VCP: variants seen among roughly 807,000 people sequenced by gnomAD.
VCP encodes the protein valosin containing protein, also known as transitional endoplasmic reticulum ATPase.
Under a neutral mutation model 85.7 loss-of-function variants are expected in VCP, and 6 were observed. That is an observed-to-expected ratio of 0.07 (90% CI 0.04 to 0.14). The LOEUF (loss-of-function observed/expected upper bound fraction) is 0.14. Among genes scored for constraint, VCP ranks in the 10% least tolerant of loss-of-function variants. VCP has a pLI of 1.00. For synonymous variants in VCP, 384 were observed against 367.1 expected, an observed-to-expected ratio of 1.05 and a Z score of -0.53; for missense variants, 353 against 1,043.4, an observed-to-expected ratio of 0.34 and a Z score of 9.12.
At chr9:35,061,206 C>T in intron 10 of VCP, 27 bp from the exon 11 acceptor site, 1 of 1,612,272 alleles carries the variant, frequency 6.2e-7, no homozygotes, top group South Asian at 1.1e-5. Context: ...ACTTACTATG[C>T]TGCCTCAAAG....
At chr9:35,072,262 C>G in intron 1 of VCP, 75 bp downstream of exon 1, 1 of 1,480,374 alleles carries the variant, frequency 6.8e-7, no homozygotes, top group South Asian at 1.3e-5. Context: ...CACGGCCAGG[C>G]CCCGCCGGGC....
intron 1 of VCP, among the ~76,000 whole-genome samples, chr9:35,070,800 G>A (rs867384653): frequency 2.6e-5 from 4 of 152,134 alleles, no homozygotes; most frequent in South Asian, 2.1e-4. Flanking sequence ...TACCATCCCG[G>A]ACTCTGGCTC....
intron 15 of VCP, 60 bp from the exon 16 acceptor site, chr9:35,057,590 A>C: frequency 6.3e-7 from 1 of 1,598,544 alleles, no homozygotes; most frequent in Non-Finnish European, 8.5e-7. Context: ...ATTTCATCCC[A>C]GGCCTCCCAT....
Position 35,060,421 on chromosome 9 carries a change from T to C in VCP, c.1587A>G (p.Lys529=), listed in dbSNP as rs755080363. The change falls in exon 13 of 17, where the codon AAA becomes AAG. Residue 529 remains lysine (K), a synonymous_variant. Transcript: ENST00000358901. ...TGGCCTGGCATTCATTAGCAATGGC[T>C]TTGGCCAACAAAGTTTTCCCACAGC... ...PPGCGKTLLA[K]AIANECQANF... The C allele has an allele frequency of 6.2e-7, 1 of 1,614,226 alleles. No individual in the cohort carries two copies. Among genetic ancestry groups the C allele is most frequent in the Admixed American group, 1.7e-5 (1 of 60,030 alleles).
chr9:35,063,310 T>C (rs1828763096), intron 6 of VCP, among the ~76,000 whole-genome samples: 1 of 152,220 alleles, frequency 6.6e-6, no homozygotes, highest in Admixed American at 6.5e-5. Flanking sequence ...GCAACTTGCA[T>C]AGGAGACTAA....
intron 1 of VCP, among the ~76,000 whole-genome samples, chr9:35,069,555 T>C (rs1234276139): frequency 6.7e-6 from 1 of 150,310 alleles, no homozygotes; most frequent in East Asian, 2.0e-4. Flanking sequence ...CGGGTTCAAG[T>C]GATTCTCCTG....
chr9:35,068,986 G>A (rs1828887133), intron 1 of VCP, among the ~76,000 whole-genome samples: 1 of 152,162 alleles, frequency 6.6e-6, no homozygotes, highest in African/African-American at 2.4e-5. Context: ...AATTAAGTAA[G>A]CCAGACAACC....
chr9:35,060,164 G>C (rs1322369796), intron 13 of VCP, 149 bp downstream of exon 13: 2 of 873,638 alleles, frequency 2.3e-6, no homozygotes, highest in East Asian at 2.6e-5. Context: ...AATAACACTA[G>C]GTCTCTCAGA....
At chr9:35,063,752 G>A (rs1828772982) in intron 6 of VCP, among the ~76,000 whole-genome samples, 1 of 152,204 alleles carries the variant, frequency 6.6e-6, no homozygotes. Flanking sequence ...TTTAGACTCA[G>A]AACCCTTTAA....
At chr9:35,067,275 A>AC (rs1186273652) in intron 3 of VCP, among the ~76,000 whole-genome samples, 2 of 152,216 alleles carry the variant, frequency 1.3e-5, no homozygotes, top group Non-Finnish European at 2.9e-5. Context: ...AAAAGAATCA[A>AC]AAGCCTGAGA....
At chr9:35,060,271 C>T (rs776916347) in intron 13 of VCP, 42 bp downstream of exon 13, 2 of 1,606,370 alleles carry the variant, frequency 1.2e-6, no homozygotes, top group Admixed American at 1.7e-5. Context: ...TATTCCTTGC[C>T]CTCAGGCAAA....
chr9:35,056,947 A>G lies in VCP; in HGVS notation c.*170T>C. 1 of 688,636 alleles carries G rather than the reference A, an allele frequency of 1.5e-6. No individual in the cohort carries two copies. Among genetic ancestry groups the G allele is most frequent in the Non-Finnish European group, 2.5e-6 (1 of 393,160 alleles). The allele number at this position is 688,636 out of a possible 1,614,324, so 42.7% of individuals were successfully genotyped here. A position where few individuals can be genotyped will look rare whatever the true frequency, so the allele number is the denominator to read the frequency against. On this transcript the variant is annotated 3_prime_UTR_variant, in exon 17 of 17. Coordinates refer to ENST00000358901, the MANE Select transcript of VCP (RefSeq NM_007126.5). Reference sequence around the variant, plus strand: ...TTTTATTTTATCGCTTTTGTTTTGTATTTTTGCAACAGAAACCCCCTGTCC... The same window carrying G: ...TTTTATTTTATCGCTTTTGTTTTGTGTTTTTGCAACAGAAACCCCCTGTCC...
intron 6 of VCP, 49 bp from the exon 7 acceptor site, chr9:35,063,129 C>A: frequency 6.3e-7 from 1 of 1,583,114 alleles, no homozygotes; most frequent in East Asian, 2.2e-5. Flanking sequence ...CTCCCAAACC[C>A]TAAAATGGCT....
chr9:35,070,999 A>G (rs1828929986), intron 1 of VCP, among the ~76,000 whole-genome samples: 1 of 152,196 alleles, frequency 6.6e-6, no homozygotes, highest in Non-Finnish European at 1.5e-5. Context: ...AGAACTGCAC[A>G]GGGGACTCCA....
chr9:35,061,213 A>G (rs1473844924), intron 10 of VCP, 34 bp from the exon 11 acceptor site: 1 of 1,612,072 alleles, frequency 6.2e-7, no homozygotes, highest in East Asian at 2.2e-5. Context: ...ATGCTGCCTC[A>G]AAGACCCAGC....
chr9:35,066,265 T>C (rs1587128292), intron 4 of VCP, among the ~76,000 whole-genome samples: 2 of 9,978 alleles, frequency 2.0e-4, no homozygotes, highest in African/African-American at 6.7e-4. Context: ...ACCCTGTCTC[T>C]TTTTTTTTTT....
At chr9:35,064,414 G>C (rs1828788140) in intron 5 of VCP, 129 bp from the exon 6 acceptor site, 1 of 1,247,898 alleles carries the variant, frequency 8.0e-7, no homozygotes, top group East Asian at 2.5e-5. Flanking sequence ...AACCCGGCAT[G>C]GTGGCTCACA....
At chr9:35,071,301 T>G (rs1002523241) in intron 1 of VCP, among the ~76,000 whole-genome samples, 2 of 57,890 alleles carry the variant, frequency 3.5e-5, no homozygotes, top group Non-Finnish European at 9.2e-5. Context: ...GTGTTTTTTT[T>G]TTTTTTTTTT....
At chr9:35,062,828 TTCTG>T in intron 7 of VCP, 146 bp downstream of exon 7, 1 of 804,306 alleles carries the variant, frequency 1.2e-6, no homozygotes. Context: ...TTTATTGCTC[TTCTG>T]TCTGTAACAT....
Sources: gnomAD v4.1 joint callset for allele counts (sites outside exome capture counted in the v4.1 genomes callset) on GRCh38, gnomAD v4.1.1 for gene constraint, MANE v1.5 for transcripts, NCBI Gene and HGNC (gene_info 2026-07-23, HGNC 2026-07-21) for gene names.